The following PCBD2 variants were observed in gnomAD, a reference collection of about 807,000 sequenced individuals.
The protein encoded by PCBD2 is pterin-4-alpha-carbinolamine dehydratase 2.
In PCBD2, 12 loss-of-function variants were observed where a neutral mutation model predicts 16.4. The ratio of observed to expected loss-of-function variants is 0.73; its 90% CI spans 0.47 to 1.19. PCBD2 has a LOEUF of 1.19. Ranked by LOEUF, PCBD2 falls within the 50% of genes most tolerant of loss-of-function variation. The pLI, the probability that PCBD2 is intolerant of heterozygous loss-of-function variation, is 0.00. For missense variants in PCBD2, 138 were observed against 156.8 expected (o/e 0.88, Z 0.64); for synonymous variants, 58 against 61.8 (o/e 0.94, Z 0.29).
At chr5:134,960,408 G>A (rs368234876) in intron 3 of PCBD2, among the ~76,000 whole-genome samples, 178 bp from the exon 4 acceptor site, 18 of 152,180 alleles carry the variant, frequency 1.2e-4, no homozygotes, top group African/African-American at 4.3e-4. Context: ...CTATGCCCCT[G>A]GAGTTCGCTG....
In PCBD2 at chr5:134,962,174, C is replaced by T. The variant is rs151263295; in HGVS notation, c.*1493C>T. ...TGGTGCGACCATGGCTCACTGTAGT[C>T]TTGACTTCTCAGGCTCAAGTGATCC... On this transcript the variant is annotated 3_prime_UTR_variant, in exon 4 of 4. Coordinates refer to ENST00000254908, the MANE Select transcript of PCBD2 (RefSeq NM_032151.5). Among the ~76,000 whole-genome samples, 2 of 151,840 alleles carry T rather than the reference C, an allele frequency of 1.3e-5. No individual in the cohort carries two copies. The highest frequency in any genetic ancestry group is 6.6e-5 in the Admixed American group (1 of 15,226).
At chr5:134,905,638 G>C (rs1750677822) in intron 1 of PCBD2, 1 of 171,952 alleles carries the variant, frequency 5.8e-6, no homozygotes, top group Admixed American at 6.3e-5. Flanking sequence ...CACTCCAAGG[G>C]GAACCCACAG....
intron 2 of PCBD2, among the ~76,000 whole-genome samples, chr5:134,919,111 T>C (rs1425072499): frequency 6.6e-6 from 1 of 152,238 alleles, no homozygotes; most frequent in Non-Finnish European, 1.5e-5. Context: ...CTTAGTCATG[T>C]AGTAAATCTT....
At chr5:134,936,731 T>G (rs560009350) in intron 2 of PCBD2, among the ~76,000 whole-genome samples, 33 of 152,318 alleles carry the variant, frequency 2.2e-4, no homozygotes, top group African/African-American at 7.5e-4. Flanking sequence ...GGTAGCTACC[T>G]TTAAGATCCC....
chr5:134,910,300 T>G (rs1176149268), intron 1 of PCBD2, 35 bp from the exon 2 acceptor site: 1 of 1,602,266 alleles, frequency 6.2e-7, no homozygotes. Flanking sequence ...AGTAAACTTG[T>G]ACATTTTCAG....
intron 2 of PCBD2, among the ~76,000 whole-genome samples, chr5:134,922,671 T>C (rs985256541): frequency 6.6e-6 from 1 of 151,660 alleles, no homozygotes; most frequent in African/African-American, 2.4e-5. Context: ...ATCTTTTTTT[T>C]TTTTTTTTTG....
intron 2 of PCBD2, among the ~76,000 whole-genome samples, chr5:134,957,008 T>C (rs1418811408): frequency 6.6e-6 from 1 of 152,228 alleles, no homozygotes; most frequent in African/African-American, 2.4e-5. Context: ...CTCACGCCTA[T>C]ATTCCCAGCA....
chr5:134,917,025 A>G (rs1372953134), intron 2 of PCBD2, among the ~76,000 whole-genome samples: 1 of 152,238 alleles, frequency 6.6e-6, no homozygotes, highest in Admixed American at 6.5e-5. Flanking sequence ...AGAGGTCTGC[A>G]AGTGACATAT....
chr5:134,910,035 G>A lies in PCBD2; in HGVS notation c.85-300G>A, dbSNP rs147194210. Among the ~76,000 whole-genome samples the A allele has an allele frequency of 9.5e-3, 1,444 of 152,224 alleles. 23 individuals carry two copies. Among genetic ancestry groups the A allele is most frequent in the African/African-American group, 0.033 (1,363 of 41,532 alleles). ...CAGTGAGCTGTGATTGCACCACTAC[G>A]CTCCAGCCTGGGCGACAGAGCGAGA... is the stretch of plus-strand genomic sequence containing the variant. On this transcript the variant is annotated intron_variant, in intron 1 of 3. Coordinates refer to ENST00000254908, the MANE Select transcript of PCBD2 (RefSeq NM_032151.5).
At chr5:134,920,909 G>T (rs563469811) in intron 2 of PCBD2, among the ~76,000 whole-genome samples, 2 of 152,242 alleles carry the variant, frequency 1.3e-5, no homozygotes, top group African/African-American at 4.8e-5. Context: ...CAAGTGATCC[G>T]CCCGCCTTGG....
intron 2 of PCBD2, among the ~76,000 whole-genome samples, chr5:134,911,594 T>C (rs1269861529): frequency 6.6e-6 from 1 of 152,222 alleles, no homozygotes; most frequent in African/African-American, 2.4e-5. Context: ...AAACAGGCAT[T>C]TGATAAATGC....
intron 2 of PCBD2, chr5:134,923,809 A>G: frequency 2.5e-6 from 1 of 393,920 alleles, no homozygotes. Flanking sequence ...GCGTGAAGGT[A>G]GCGGATGATT....
chr5:134,921,490 G>T (rs955121494), intron 2 of PCBD2, among the ~76,000 whole-genome samples: 1 of 152,076 alleles, frequency 6.6e-6, no homozygotes, highest in African/African-American at 2.4e-5. Flanking sequence ...GACATACTTT[G>T]TCTGCAGTGT....
chr5:134,933,920 C>T (rs1230705559), intron 2 of PCBD2, among the ~76,000 whole-genome samples: 1 of 152,184 alleles, frequency 6.6e-6, no homozygotes, highest in African/African-American at 2.4e-5. Context: ...CCACCATTCT[C>T]ACAGCTTAGT....
At chr5:134,905,311 T>A in intron 1 of PCBD2, 88 bp downstream of exon 1, 2 of 1,130,064 alleles carry the variant, frequency 1.8e-6, no homozygotes, top group Non-Finnish European at 2.2e-6. Flanking sequence ...CCAGCGGGAC[T>A]GGGGCGAACC....
At chr5:134,929,424 G>A (rs372638128) in intron 2 of PCBD2, among the ~76,000 whole-genome samples, 2 of 151,824 alleles carry the variant, frequency 1.3e-5, no homozygotes, top group African/African-American at 4.8e-5. Context: ...TGTTTCAAAA[G>A]GAGGGAAGTA....
chr5:134,907,493 G>C (rs1161828770), intron 1 of PCBD2, among the ~76,000 whole-genome samples: 1 of 151,890 alleles, frequency 6.6e-6, no homozygotes, highest in African/African-American at 2.4e-5. Flanking sequence ...TGCTCGCCTC[G>C]GCCTCCCAAA....
At chr5:134,911,736 C>T (rs1443848781) in intron 2 of PCBD2, among the ~76,000 whole-genome samples, 1 of 152,208 alleles carries the variant, frequency 6.6e-6, no homozygotes, top group East Asian at 1.9e-4. Flanking sequence ...ATTCTGTTCT[C>T]TATCCATCTG....
intron 2 of PCBD2, among the ~76,000 whole-genome samples, chr5:134,915,256 A>C (rs1750817525): frequency 6.6e-6 from 1 of 151,228 alleles, no homozygotes; most frequent in East Asian, 2.0e-4. Context: ...CGGAGGTTGC[A>C]GTGAGCCGAG....
Sources: allele counts gnomAD v4.1 joint callset (sites outside exome capture counted in the v4.1 genomes callset), GRCh38; gene constraint gnomAD v4.1.1; transcripts MANE v1.5; gene names NCBI Gene and HGNC (gene_info 2026-07-23, HGNC 2026-07-21).